IMMP2L: variants seen among roughly 807,000 people sequenced by gnomAD.
IMMP2L encodes the protein mitochondrial inner membrane protease subunit 2.
Under a neutral mutation model 19.3 loss-of-function variants are expected in IMMP2L, and 18 were observed. The ratio of observed to expected loss-of-function variants is 0.93; its 90% CI spans 0.64 to 1.38. The LOEUF is 1.38. Among genes scored for constraint, IMMP2L ranks in the 40% most tolerant of loss-of-function variants. IMMP2L has a pLI of 0.00. For synonymous variants in IMMP2L, 76 were observed against 73.0 expected (o/e 1.04, Z -0.21); for missense variants, 233 against 218.2 (o/e 1.07, Z -0.43).
rs79083418 is a variant in IMMP2L, at chr7:111,145,385, A to T, written c.240-181820T>A. 5.6e-4 allele frequency among the ~76,000 whole-genome samples: 85 copies of T among 152,094 alleles called. 1 individual carries two copies. The East Asian group carries it at 0.015, about 28-fold the overall frequency. ...TCAATTTTATCTTTGTATGTCTATT[A>T]CCTATTTAAATGAAAACAATGTCAT... is the stretch of plus-strand genomic sequence containing the variant. On this transcript the variant is annotated intron_variant, in intron 3 of 5. Coordinates refer to ENST00000405709, the MANE Select transcript of IMMP2L (RefSeq NM_032549.4).
intron 3 of IMMP2L, among the ~76,000 whole-genome samples, chr7:111,093,288 A>C (rs1050362234): frequency 2.0e-5 from 3 of 152,182 alleles, no homozygotes; most frequent in Non-Finnish European, 4.4e-5. Context: ...AATCTATAAA[A>C]AAAACCAAAA....
At chr7:110,773,480 TAA>T (rs1799173572) in intron 5 of IMMP2L, among the ~76,000 whole-genome samples, 1 of 152,064 alleles carries the variant, frequency 6.6e-6, no homozygotes, top group Non-Finnish European at 1.5e-5. Flanking sequence ...TCTAGAACAT[TAA>T]AAAATCAGTC....
intron 1 of IMMP2L, among the ~76,000 whole-genome samples, chr7:111,528,807 T>C (rs1324729732): frequency 6.6e-6 from 1 of 152,144 alleles, no homozygotes; most frequent in Non-Finnish European, 1.5e-5. Flanking sequence ...TAAAGCAGTA[T>C]CTTATGTAAA....
chr7:111,461,799 T>C (rs888827051), intron 3 of IMMP2L, among the ~76,000 whole-genome samples: 5 of 152,074 alleles, frequency 3.3e-5, no homozygotes, highest in African/African-American at 1.2e-4. Flanking sequence ...AAAAATACAT[T>C]TAACATAATG....
rs535617139 is a variant in IMMP2L at position 111,321,964 on chromosome 7, C to T, written c.239+165274G>A. On this transcript the variant is annotated intron_variant, in intron 3 of 5. Coordinates refer to ENST00000405709, the MANE Select transcript of IMMP2L (RefSeq NM_032549.4). The stretch of plus-strand genomic sequence containing the variant: ...GATACAAATCCTTAAACCTAAAATG[C>T]CATATGTTAAAACTCAAATTATGTT... 2.7e-4 allele frequency among the ~76,000 whole-genome samples: 41 copies of T among 151,878 alleles called. 1 individual carries two copies. Among genetic ancestry groups the T allele is most frequent in the Non-Finnish European group, 4.6e-4 (31 of 67,890 alleles).
rs1047842983 is a variant in IMMP2L at position 110,870,562 on chromosome 7, G to A, written c.408+16031C>T. 4.6e-5 allele frequency among the ~76,000 whole-genome samples: 7 copies of A among 152,088 alleles called. No individual in the cohort carries two copies. Among genetic ancestry groups the A allele is most frequent in the Admixed American group, 1.3e-4 (2 of 15,250 alleles). ...AGCAGGTGTGTGTGAGTGTGTGTGT[G>A]TGCACGCGCATGTGTGCGTGTGTTC... On this transcript the variant is annotated intron_variant, in intron 5 of 5. Transcript: ENST00000405709. The surrounding 1 kb of genome is among the most constrained non-coding windows in gnomAD (Gnocchi z 4.2).
chr7:111,341,527 A>T (rs1025230704), intron 3 of IMMP2L, among the ~76,000 whole-genome samples: 6 of 152,160 alleles, frequency 3.9e-5, no homozygotes, highest in Non-Finnish European at 7.3e-5. Context: ...ACAGAAAGGA[A>T]ACTGGCTTGA....
intron 3 of IMMP2L, among the ~76,000 whole-genome samples, chr7:111,201,024 T>C (rs924329139): frequency 2.0e-5 from 3 of 152,178 alleles, no homozygotes; most frequent in Non-Finnish European, 2.9e-5. Context: ...AAGTCTTCTA[T>C]AAAGACAAAA....
chr7:110,815,976 T>C (rs879373336), intron 5 of IMMP2L, among the ~76,000 whole-genome samples: 3 of 152,194 alleles, frequency 2.0e-5, no homozygotes, highest in Non-Finnish European at 2.9e-5. Context: ...TCAGTTCTGC[T>C]CTGATCTTAG....
At chr7:110,715,821 C>G (rs990329670) in intron 5 of IMMP2L, among the ~76,000 whole-genome samples, 1 of 152,036 alleles carries the variant, frequency 6.6e-6, no homozygotes, top group Non-Finnish European at 1.5e-5. Context: ...AGTTTTCTAA[C>G]CTAACCTCAA....
intron 4 of IMMP2L, among the ~76,000 whole-genome samples, chr7:110,912,033 G>T (rs1345130632): frequency 6.6e-6 from 1 of 151,992 alleles, no homozygotes; most frequent in African/African-American, 2.4e-5. Context: ...CATTTCAAAG[G>T]TGTCTGTCTT....
At chr7:111,029,028 T>C (rs149603874) in intron 3 of IMMP2L, among the ~76,000 whole-genome samples, 2 of 152,300 alleles carry the variant, frequency 1.3e-5, no homozygotes, top group African/African-American at 4.8e-5. Context: ...TCTAAAAGAA[T>C]ACTGCTTTAA....
At chr7:110,746,027 C>A (rs1433451051) in intron 5 of IMMP2L, among the ~76,000 whole-genome samples, 2 of 151,872 alleles carry the variant, frequency 1.3e-5, no homozygotes, top group Non-Finnish European at 2.9e-5. Flanking sequence ...CAAAGACACA[C>A]ATAGGCTCAA....
chr7:111,401,991 T>A (rs1452430544), intron 3 of IMMP2L, among the ~76,000 whole-genome samples: 1 of 151,710 alleles, frequency 6.6e-6, no homozygotes, highest in Non-Finnish European at 1.5e-5. Context: ...GCATCTCTAG[T>A]CCCATCTACT....
chr7:111,290,082 G>T lies in IMMP2L; in HGVS notation c.239+197156C>A, dbSNP rs535006324. Among the ~76,000 whole-genome samples, 40 of 152,196 alleles carry T rather than the reference G, an allele frequency of 2.6e-4. No individual in the cohort carries two copies. The South Asian group carries it at 5.8e-3, about 22-fold the overall frequency. On this transcript the variant is annotated intron_variant, in intron 3 of 5. Coordinates refer to ENST00000405709, the MANE Select transcript of IMMP2L (RefSeq NM_032549.4). Reference sequence around the variant, plus strand: ...ATTATCTGGTAGTGTCTTCTCCCCAGTCTGCCACTGCACATAGAAAAGAAG... The same window carrying T: ...ATTATCTGGTAGTGTCTTCTCCCCATTCTGCCACTGCACATAGAAAAGAAG...
intron 4 of IMMP2L, among the ~76,000 whole-genome samples, chr7:110,938,554 A>G (rs924734774): frequency 1.3e-4 from 20 of 152,296 alleles, no homozygotes; most frequent in African/African-American, 4.8e-4. Context: ...TCATCTATGT[A>G]TGCCACTACA....
chr7:111,556,221 A>C (rs962164750), intron 1 of IMMP2L, among the ~76,000 whole-genome samples: 1 of 151,448 alleles, frequency 6.6e-6, no homozygotes, highest in Non-Finnish European at 1.5e-5. Flanking sequence ...ATAATGAAAG[A>C]GTTTGGGAAC....
chr7:111,443,953 C>G (rs1291884047), intron 3 of IMMP2L, among the ~76,000 whole-genome samples: 1 of 152,016 alleles, frequency 6.6e-6, no homozygotes, highest in East Asian at 1.9e-4. Flanking sequence ...TGCATCTTCA[C>G]AGGGTATATA....
At chr7:110,872,117 A>G (rs1274011529) in intron 5 of IMMP2L, among the ~76,000 whole-genome samples, 1 of 152,152 alleles carries the variant, frequency 6.6e-6, no homozygotes, top group Non-Finnish European at 1.5e-5. Context: ...TTGAATTTGC[A>G]TAGGTTGCAA....
Sources: gnomAD v4.1 joint callset for allele counts (sites outside exome capture counted in the v4.1 genomes callset) on GRCh38, gnomAD v4.1.1 for gene constraint, Gnocchi (gnomAD v3.1) non-coding constraint, MANE v1.5 for transcripts, NCBI Gene and HGNC (gene_info 2026-07-23, HGNC 2026-07-21) for gene names.